PGGT1B: variants seen among roughly 807,000 people sequenced by gnomAD.
PGGT1B encodes protein geranylgeranyltransferase type I subunit beta.
PGGT1B carries 30 observed loss-of-function variants against 46.1 expected under a neutral mutation model. That is an observed-to-expected ratio of 0.65 (90% CI 0.49 to 0.88). The LOEUF is 0.88. Ranked by LOEUF, PGGT1B falls within the 40% of genes least tolerant of loss-of-function variation. PGGT1B has a pLI of 0.00. For synonymous variants in PGGT1B, 170 were observed against 160.0 expected (o/e 1.06, Z -0.47); for missense variants, 376 against 455.9 (o/e 0.82, Z 1.60).
At chr5:115,216,716 T>C in intron 8 of PGGT1B, 149 bp downstream of exon 8, 2 of 635,052 alleles carry the variant, frequency 3.1e-6, no homozygotes, top group East Asian at 2.8e-5. Flanking sequence ...AAATTTATCC[T>C]AAGCTTACAC....
At chr5:115,227,466 T>C (rs975295865) in intron 6 of PGGT1B, among the ~76,000 whole-genome samples, 2 of 152,148 alleles carry the variant, frequency 1.3e-5, no homozygotes, top group Non-Finnish European at 2.9e-5. Context: ...CCCATATACT[T>C]GTCATCCAAA....
Position 115,249,583 on chromosome 5 carries a change from C to T in PGGT1B, c.259+3554G>A, listed in dbSNP as rs535823829. Among the ~76,000 whole-genome samples the T allele has an allele frequency of 3.3e-5, 5 of 150,776 alleles. No individual in the cohort carries two copies. The South Asian group carries it at 1.0e-3, about 32-fold the overall frequency. On this transcript the variant is annotated intron_variant, in intron 2 of 8. Coordinates refer to ENST00000419445, the MANE Select transcript of PGGT1B (RefSeq NM_005023.4). ...AATGAGTCAGGGTGGAGCAGGTAAT[C>T]GGAATGAGTCAGGGAGGAGCAGGTA...
intron 1 of PGGT1B, among the ~76,000 whole-genome samples, chr5:115,258,733 G>A (rs1470657307): frequency 6.6e-6 from 1 of 152,146 alleles, no homozygotes; most frequent in African/African-American, 2.4e-5. Context: ...TCTTCAGGCT[G>A]AGCTACTTAG....
rs149542297 is a variant in PGGT1B, at chr5:115,233,833, A to G, written c.612+2557T>C. Among the ~76,000 whole-genome samples the G allele has an allele frequency of 1.6e-3, 243 of 152,168 alleles. 2 individuals are homozygous for G. Among genetic ancestry groups the G allele is most frequent in the African/African-American group, 5.4e-3 (224 of 41,554 alleles). ...TATGTGAAAACAGGCACTCTCTTAT[A>G]TTGGTAGGAAAACAAACTGGTCTAT... On this transcript the variant is annotated intron_variant, in intron 5 of 8. Transcript: ENST00000419445.
chr5:115,256,153 C>T lies in PGGT1B; in HGVS notation c.141-2898G>A, dbSNP rs1355451903. Among the ~76,000 whole-genome samples, 5 of 152,278 alleles carry T rather than the reference C, an allele frequency of 3.3e-5. No homozygotes were observed. In the East Asian group the frequency reaches 5.8e-4, roughly 18 times the overall value. On this transcript the variant is annotated intron_variant, in intron 1 of 8. Transcript: ENST00000419445. Reference sequence around the variant, plus strand: ...CCTAACATAATATATCATAATCAAACATTCTTGGTTGTCACAGTGGAGGAG... The same window carrying T: ...CCTAACATAATATATCATAATCAAATATTCTTGGTTGTCACAGTGGAGGAG...
At chr5:115,248,796 G>A (rs1013221159) in intron 2 of PGGT1B, among the ~76,000 whole-genome samples, 2 of 152,172 alleles carry the variant, frequency 1.3e-5, no homozygotes, top group African/African-American at 4.8e-5. Flanking sequence ...GTTTCAGACA[G>A]GTCTCTGAAT....
chr5:115,223,087 T>C (rs573744888), intron 6 of PGGT1B, among the ~76,000 whole-genome samples: 3 of 151,668 alleles, frequency 2.0e-5, no homozygotes, highest in South Asian at 2.1e-4. Context: ...CTGCACGTTG[T>C]GCACATGTAC....
chr5:115,222,889 G>A (rs919832230), intron 6 of PGGT1B, among the ~76,000 whole-genome samples: 4 of 152,168 alleles, frequency 2.6e-5, no homozygotes, highest in African/African-American at 9.7e-5. Context: ...AACACCGCAT[G>A]TTCTCACTCA....
intron 7 of PGGT1B, among the ~76,000 whole-genome samples, chr5:115,217,484 T>C (rs1181843433): frequency 6.6e-6 from 1 of 152,008 alleles, no homozygotes; most frequent in Non-Finnish European, 1.5e-5. Flanking sequence ...ACAAAAATGA[T>C]TGCAACATAA....
chr5:115,243,713 T>C lies in PGGT1B; in HGVS notation c.260-2107A>G, dbSNP rs150429034. Reference sequence around the variant, plus strand: ...GTGTAGGCAGGGCTACCTTCCTTACTTGGAGGCTTTGGGGGAACAATCTGC... The same window carrying C: ...GTGTAGGCAGGGCTACCTTCCTTACCTGGAGGCTTTGGGGGAACAATCTGC... On this transcript the variant is annotated intron_variant, in intron 2 of 8. Transcript: ENST00000419445. Among the ~76,000 whole-genome samples the C allele has an allele frequency of 1.1e-4, 17 of 152,324 alleles. No homozygotes were observed. The East Asian group carries it at 3.3e-3, about 29-fold the overall frequency.
intron 3 of PGGT1B, among the ~76,000 whole-genome samples, chr5:115,240,987 T>C (rs1477657039): frequency 5.3e-5 from 8 of 152,238 alleles, no homozygotes; most frequent in Admixed American, 2.6e-4. Context: ...TGTTTTTATA[T>C]TGGCATGTGC....
In PGGT1B at chr5:115,221,909, A is replaced by G; in HGVS notation, c.758T>C (p.Ile253Thr). The change falls in exon 7 of 9, where the codon ATA becomes ACA. Residue 253 changes from isoleucine to threonine, a missense_variant. This residue lies in a region of PGGT1B where 222 missense variants were observed against 313.6 expected (regional missense o/e 0.71). Transcript: ENST00000419445. Reference sequence around the variant, plus strand: ...ATGATAACCATTTTGTTGCCTCATTATACACCACCTCTTTATCCTGTTCAA... The same window carrying G: ...ATGATAACCATTTTGTTGCCTCATTGTACACCACCTCTTTATCCTGTTCAA... ...KELNRIKRWC[I>T]MRQQNGYHGR... The G allele has an allele frequency of 6.2e-7, 1 of 1,610,188 alleles. No individual in the cohort carries two copies. Among genetic ancestry groups the G allele is most frequent in the Non-Finnish European group, 8.5e-7 (1 of 1,177,588 alleles).
Position 115,253,134 on chromosome 5 carries a change from C to T in PGGT1B, c.259+3G>A. 1 of 1,598,968 alleles carries T rather than the reference C, an allele frequency of 6.3e-7. No homozygotes were observed. The highest frequency in any genetic ancestry group is 8.5e-7 in the Non-Finnish European group (1 of 1,174,924). ...AAAAATAAAATGCTAAAAACTCACT[C>T]ACTGTCTTCTGTGGGAAGGACCTGC... On this transcript the variant is annotated splice_donor_region_variant and intron_variant, in intron 2 of 8. Coordinates refer to ENST00000419445, the MANE Select transcript of PGGT1B (RefSeq NM_005023.4).
chr5:115,251,411 T>C (rs928118450), intron 2 of PGGT1B, among the ~76,000 whole-genome samples: 3 of 152,164 alleles, frequency 2.0e-5, no homozygotes, highest in South Asian at 2.1e-4. Flanking sequence ...ATAGATATAA[T>C]AGCGTTATAA....
chr5:115,262,552 G>A, intron 1 of PGGT1B, 160 bp downstream of exon 1: 1 of 732,474 alleles, frequency 1.4e-6, no homozygotes, highest in Non-Finnish European at 2.2e-6. Flanking sequence ...ACCGTACGGC[G>A]GGAGAGTGGG....
chr5:115,249,664 G>A (rs1249617322), intron 2 of PGGT1B, among the ~76,000 whole-genome samples: 1 of 152,068 alleles, frequency 6.6e-6, no homozygotes, highest in Non-Finnish European at 1.5e-5. Flanking sequence ...TGGGGCAGGC[G>A]ATTGAAAAAG....
At chr5:115,256,752 C>A (rs1748332740) in intron 1 of PGGT1B, among the ~76,000 whole-genome samples, 1 of 152,158 alleles carries the variant, frequency 6.6e-6, no homozygotes, top group Non-Finnish European at 1.5e-5. Flanking sequence ...GAATTTTGGG[C>A]TGTGGGCCTC....
chr5:115,219,646 G>C (rs532254846), intron 7 of PGGT1B, among the ~76,000 whole-genome samples: 5 of 151,864 alleles, frequency 3.3e-5, no homozygotes, highest in Admixed American at 2.6e-4. Context: ...ACCATCAACA[G>C]AGTAAAAAGG....
At chr5:115,227,511 A>C (rs930703105) in intron 6 of PGGT1B, among the ~76,000 whole-genome samples, 16 of 152,174 alleles carry the variant, frequency 1.1e-4, no homozygotes, top group Non-Finnish European at 1.2e-4. Flanking sequence ...CGTCAGGCCC[A>C]CATACAGATG....
Sources: gnomAD v4.1 joint callset for allele counts (sites outside exome capture counted in the v4.1 genomes callset) on GRCh38, gnomAD v4.1.1 for gene constraint, gnomAD v4.1.1 regional missense constraint, MANE v1.5 for transcripts, NCBI Gene and HGNC (gene_info 2026-07-23, HGNC 2026-07-21) for gene names.